STARD8: variants seen among roughly 807,000 people sequenced by gnomAD.
The protein encoded by STARD8 is StAR related lipid transfer domain containing 8.
STARD8 carries 25 observed loss-of-function variants against 69.4 expected under a neutral mutation model. That is an observed-to-expected ratio of 0.36 (90% CI 0.26 to 0.50). STARD8 has a LOEUF of 0.50. Among genes scored for constraint, STARD8 ranks in the 20% least tolerant of loss-of-function variants. The pLI is 0.96. For missense variants in STARD8, 921 were observed against 932.5 expected (o/e 0.99, Z 0.16); for synonymous variants, 389 against 374.6 (o/e 1.04, Z -0.45).
At chrX:68,672,719 C>A (rs960589030) in intron 2 of STARD8, among the ~76,000 whole-genome samples, 8 of 104,536 alleles carry the variant, frequency 7.7e-5, no homozygotes, top group African/African-American at 3.2e-4. Context: ...CAGCGCCCCA[C>A]CCCCCATGGC....
intron 2 of STARD8, among the ~76,000 whole-genome samples, chrX:68,672,869 T>C (rs2079738395): frequency 9.0e-6 from 1 of 111,199 alleles, no homozygotes; most frequent in Admixed American, 9.5e-5. Context: ...AATGAAAACA[T>C]AGGAAGTAGG....
intron 2 of STARD8, among the ~76,000 whole-genome samples, chrX:68,704,410 G>C (rs1266114839): frequency 1.8e-5 from 2 of 111,504 alleles, no homozygotes; most frequent in Non-Finnish European, 3.8e-5. Context: ...TTAGGTTGTA[G>C]AGTAGGGGAG....
intron 2 of STARD8, among the ~76,000 whole-genome samples, chrX:68,668,252 TTCTTTCTTTCTTTCTTTCTTTC>T (rs1406407690): frequency 8.3e-5 from 7 of 84,065 alleles, no homozygotes; most frequent in South Asian, 1.1e-3. Flanking sequence ...CTTTCTTTCT[TTCTTTCTTTCTTTCTTTCTTTC>T]TCTTTCTTTC....
chrX:68,707,890 C>A (rs185519399), intron 2 of STARD8, among the ~76,000 whole-genome samples: 98 of 111,365 alleles, frequency 8.8e-4, no homozygotes, highest in Non-Finnish European at 1.5e-3. Flanking sequence ...AGAGGGGGTA[C>A]CCAGCCCAAG....
intron 1 of STARD8, among the ~76,000 whole-genome samples, chrX:68,660,118 G>A (rs999106681): frequency 3.6e-5 from 4 of 110,793 alleles, no homozygotes; most frequent in African/African-American, 1.3e-4. Flanking sequence ...TTGCACCCTT[G>A]GGGGGAGACA....
In STARD8 at chrX:68,647,799, G is replaced by GCCTCTTTTAGCCTCGTC; in HGVS notation, c.-81_-65dup. ...CGGGCTGGCTCTCGCCGAGCCCCGG[G>GCCTCTTTTAGCCTCGTC]CCTCTTTTAGCCTCGTCCCCAGAGA... On this transcript the variant is annotated 5_prime_UTR_variant, in exon 1 of 15. Transcript: ENST00000374599. 2 of 1,111,341 alleles carry GCCTCTTTTAGCCTCGTC rather than the reference G, an allele frequency of 1.8e-6. No homozygotes were observed. Among genetic ancestry groups the GCCTCTTTTAGCCTCGTC allele is most frequent in the South Asian group, 2.0e-5 (1 of 49,954 alleles). The allele number at this position is 1,111,341 out of a possible 1,213,427, so 91.6% of individuals were successfully genotyped here. A position where few individuals can be genotyped will look rare whatever the true frequency, so the allele number is the denominator to read the frequency against.
intron 2 of STARD8, among the ~76,000 whole-genome samples, chrX:68,707,167 G>A (rs1374939423): frequency 2.7e-5 from 3 of 112,801 alleles, no homozygotes; most frequent in South Asian, 3.6e-4. Flanking sequence ...ATCCTCTGGC[G>A]AGGGCCACGG....
chrX:68,674,957 A>ATT (rs770593904), intron 2 of STARD8, among the ~76,000 whole-genome samples: 4 of 53,851 alleles, frequency 7.4e-5, no homozygotes, highest in Admixed American at 2.1e-4. Context: ...TAATTTTTGT[A>ATT]TTTTTTTTTT....
At chrX:68,678,155 G>A (rs1259310526) in intron 2 of STARD8, among the ~76,000 whole-genome samples, 3 of 111,192 alleles carry the variant, frequency 2.7e-5, no homozygotes. Flanking sequence ...AACTAGCCTG[G>A]GGAAGGTGGG....
At chrX:68,678,541 T>C (rs916099611) in intron 2 of STARD8, among the ~76,000 whole-genome samples, 1 of 112,252 alleles carries the variant, frequency 8.9e-6, no homozygotes, top group Admixed American at 9.4e-5. Flanking sequence ...TCTGAGCACA[T>C]GAGCCAGTCC....
At chrX:68,668,111 T>G (rs868771414) in intron 2 of STARD8, among the ~76,000 whole-genome samples, 191 of 96,830 alleles carry the variant, frequency 2.0e-3, no homozygotes, top group African/African-American at 5.8e-3. Context: ...CTTTCTTTCT[T>G]TCTGTCTTTC....
chrX:68,660,867 C>A lies in STARD8; in HGVS notation c.46-4632C>A, dbSNP rs1000242080. Among the ~76,000 whole-genome samples, 4 of 112,298 alleles carry A rather than the reference C, an allele frequency of 3.6e-5. 1 individual carries two copies. On this transcript the variant is annotated intron_variant, in intron 1 of 14. Transcript: ENST00000374599. ...CCACAGTGGCCATGGTCTGTGCTGG[C>A]AAAACTCAGGATAGGCCTGGGGGCG... is the stretch of plus-strand genomic sequence containing the variant.
At chrX:68,712,533 AG>A (rs1432398735) in intron 2 of STARD8, among the ~76,000 whole-genome samples, 3 of 112,676 alleles carry the variant, frequency 2.7e-5, no homozygotes, top group Non-Finnish European at 5.6e-5. Flanking sequence ...GGGCCTTGGA[AG>A]GGGGTGAGTC....
chrX:68,669,273 C>T (rs2079713347), intron 2 of STARD8, among the ~76,000 whole-genome samples: 1 of 112,104 alleles, frequency 8.9e-6, no homozygotes, highest in Admixed American at 9.5e-5. Flanking sequence ...GCCGGAAGCT[C>T]CAGGTTCCAG....
chrX:68,678,670 T>G (rs1039069041), intron 2 of STARD8, among the ~76,000 whole-genome samples: 1 of 112,146 alleles, frequency 8.9e-6, no homozygotes, highest in Non-Finnish European at 1.9e-5. Context: ...CTGTGCAGCC[T>G]GGCCTGGCTG....
rs1237531238 is a variant in STARD8 at position 68,717,503 on chromosome X, C to G, written c.589C>G (p.Gln197Glu). The change falls in exon 6 of 15, where the codon CAG becomes GAG. Residue 197 changes from glutamine to glutamate, a missense_variant. Coordinates refer to ENST00000374599, the MANE Select transcript of STARD8 (RefSeq NM_001142503.3). ...CCCCACCCAGGGCCAGGAGGGTCCCCAGGACAAAGCCAAGAAGCGCCATCG... is the reference window on the plus strand; with the variant it reads ...CCCCACCCAGGGCCAGGAGGGTCCCGAGGACAAAGCCAAGAAGCGCCATCG... Reference protein sequence around the residue: ...LSPTQGQEGPQDKAKKRHRNR... With the variant: ...LSPTQGQEGPEDKAKKRHRNR... 1 of 1,210,738 alleles carries G rather than the reference C, an allele frequency of 8.3e-7. No individual in the cohort carries two copies. Among genetic ancestry groups the G allele is most frequent in the South Asian group, 1.8e-5 (1 of 56,959 alleles).
chrX:68,675,999 C>T (rs746767883), intron 2 of STARD8, among the ~76,000 whole-genome samples: 21 of 111,918 alleles, frequency 1.9e-4, no homozygotes, highest in African/African-American at 6.5e-4. Context: ...AGGATTGGAT[C>T]GGGTTGTCCC....
chrX:68,655,220 ATG>A (rs772689887), intron 1 of STARD8, among the ~76,000 whole-genome samples: 4 of 110,706 alleles, frequency 3.6e-5, no homozygotes, highest in Admixed American at 9.6e-5. Flanking sequence ...CGTCAGTCTG[ATG>A]TGTGTGTGTG....
chrX:68,686,004 G>C (rs1242741037), intron 2 of STARD8, among the ~76,000 whole-genome samples: 2 of 111,996 alleles, frequency 1.8e-5, no homozygotes, highest in Admixed American at 1.9e-4. Context: ...GAGATTTGGG[G>C]GCAGACAGGA....
Sources: gnomAD v4.1 joint callset for allele counts (sites outside exome capture counted in the v4.1 genomes callset) on GRCh38, gnomAD v4.1.1 for gene constraint, MANE v1.5 for transcripts, NCBI Gene and HGNC (gene_info 2026-07-23, HGNC 2026-07-21) for gene names.